PDE8B: variants seen among roughly 807,000 people sequenced by gnomAD.
PDE8B encodes high affinity cAMP-specific and IBMX-insensitive 3',5'-cyclic phosphodiesterase 8B.
PDE8B carries 26 observed loss-of-function variants against 101.3 expected under a neutral mutation model. The observed-to-expected ratio is 0.26, with a 90% CI of 0.19 to 0.36. PDE8B has a LOEUF of 0.36. PDE8B is among the 10% of genes least tolerant of loss of function. The pLI is 1.00. For synonymous variants in PDE8B, 424 were observed against 429.3 expected (o/e 0.99, Z 0.15); for missense variants, 810 against 1,163.1 (o/e 0.70, Z 4.42).
At chr5:77,133,556 G>A in the PDE8B span, among the ~76,000 whole-genome samples, 1 of 152,192 alleles carries the variant, frequency 6.6e-6, no homozygotes, top group South Asian at 2.1e-4. Flanking sequence ...TTGGTTTGGA[G>A]GCTGGATGAT....
the PDE8B span, chr5:77,180,391 C>T: frequency 4.1e-6 from 4 of 967,466 alleles, no homozygotes; most frequent in Non-Finnish European, 4.9e-6. Flanking sequence ...GCCCTCTGTG[C>T]GGGGCTAAGG....
chr5:77,222,479 G>T (rs781341543), intron 1 of PDE8B, among the ~76,000 whole-genome samples: 12 of 152,118 alleles, frequency 7.9e-5, no homozygotes, highest in Non-Finnish European at 1.6e-4. Flanking sequence ...AAAATTAGCT[G>T]GGCGTGGTGG....
In PDE8B at chr5:77,337,319, T is replaced by G; in HGVS notation, c.797+4T>G. The G allele has an allele frequency of 1.4e-6, 2 of 1,421,012 alleles. No individual in the cohort carries two copies. Among genetic ancestry groups the G allele is most frequent in the Non-Finnish European group, 2.0e-6 (2 of 1,007,022 alleles). 88.0% of individuals were successfully genotyped at this position (1,421,012 alleles called of 1,614,324 possible). On this transcript the variant is annotated splice_donor_region_variant and intron_variant, in intron 6 of 21. Coordinates refer to ENST00000264917, the MANE Select transcript of PDE8B (RefSeq NM_003719.5). ...TTCGCTCCCAGTTCAAATTACGGTA[T>G]GTAGCAAAATGATACAGTAACATGA...
chr5:77,264,958 G>A (rs1280481785), intron 1 of PDE8B, among the ~76,000 whole-genome samples: 2 of 152,136 alleles, frequency 1.3e-5, no homozygotes, highest in Non-Finnish European at 2.9e-5. Flanking sequence ...ACATTGAAGT[G>A]CATCTCTTTC....
At chr5:77,235,681 A>G (rs544252908) in intron 1 of PDE8B, among the ~76,000 whole-genome samples, 20 of 152,266 alleles carry the variant, frequency 1.3e-4, no homozygotes, top group African/African-American at 3.6e-4. Flanking sequence ...CTTTTTGTCA[A>G]TAAGGAATAT....
chr5:77,203,764 T>A, the PDE8B span, among the ~76,000 whole-genome samples: 15 of 152,180 alleles, frequency 9.9e-5, no homozygotes, highest in Non-Finnish European at 1.9e-4. Flanking sequence ...TCTCAGTGCT[T>A]AGTTAGCATG....
At position 77,412,164 on chromosome 5, in the gene PDE8B, C is replaced by T. The variant is rs1193151456; in HGVS notation, c.1641C>T (p.Ile547=). The T allele has an allele frequency of 3.1e-6, 5 of 1,613,596 alleles. No individual in the cohort carries two copies. The South Asian group carries it at 5.5e-5, about 18-fold the overall frequency. ...CCATCAATGATGTTCCCCCTTGTAT[C>T]TCTCAATTACTTGATAATGAGGAGA... ...PITINDVPPC[I]SQLLDNEESW... Residue 547 remains isoleucine (I), a synonymous_variant, in exon 16 of 22, where the codon ATC becomes ATT. Coordinates refer to ENST00000264917, the MANE Select transcript of PDE8B (RefSeq NM_003719.5).
chr5:77,378,314 C>T (rs1327795392), intron 10 of PDE8B, among the ~76,000 whole-genome samples: 96 of 152,002 alleles, frequency 6.3e-4, no homozygotes, highest in Non-Finnish European at 1.6e-4. Context: ...CAAAAATCAG[C>T]TGGGTGTGGT....
chr5:77,133,776 T>G, the PDE8B span, among the ~76,000 whole-genome samples: 1 of 152,180 alleles, frequency 6.6e-6, no homozygotes, highest in South Asian at 2.1e-4. Context: ...GTACTAGAGA[T>G]GAGTTCAGAA....
intron 1 of PDE8B, among the ~76,000 whole-genome samples, chr5:77,269,254 C>G (rs1762313599): frequency 6.6e-6 from 1 of 151,962 alleles, no homozygotes; most frequent in Non-Finnish European, 1.5e-5. Context: ...TTTTATATAC[C>G]TGTTTGCCAT....
chr5:77,195,762 G>T, the PDE8B span, among the ~76,000 whole-genome samples: 6 of 152,072 alleles, frequency 3.9e-5, no homozygotes, highest in Non-Finnish European at 8.8e-5. Flanking sequence ...ATGTTATTAA[G>T]AAAATCATAA....
At chr5:77,190,320 C>G in the PDE8B span, among the ~76,000 whole-genome samples, 1 of 152,178 alleles carries the variant, frequency 6.6e-6, no homozygotes, top group Non-Finnish European at 1.5e-5. Flanking sequence ...CCTCTGGAAG[C>G]CTTTCTTCAT....
chr5:77,309,943 CTTTTTT>C (rs955296324), intron 1 of PDE8B, among the ~76,000 whole-genome samples: 5 of 114,152 alleles, frequency 4.4e-5, no homozygotes, highest in East Asian at 2.7e-4. Context: ...AATCATTAAT[CTTTTTT>C]TTTTTTTTTT....
intron 16 of PDE8B, 44 bp downstream of exon 16, chr5:77,412,279 A>C: frequency 6.2e-7 from 1 of 1,603,354 alleles, no homozygotes. Context: ...ATTGATGGCC[A>C]TGCTCAAACT....
chr5:77,299,033 C>G (rs1769257326), intron 1 of PDE8B, among the ~76,000 whole-genome samples: 1 of 152,204 alleles, frequency 6.6e-6, no homozygotes, highest in African/African-American at 2.4e-5. Flanking sequence ...AAAATGGATG[C>G]TCCACTAGGA....
the PDE8B span, chr5:77,144,423 C>G: frequency 1.3e-5 from 2 of 152,162 alleles, no homozygotes; most frequent in South Asian, 4.1e-4. Flanking sequence ...AATTGCGTGG[C>G]TCCAAACGGT....
At position 77,423,632 on chromosome 5, in the gene PDE8B, G is replaced by GTTTTTTTTTTTT. The variant is rs71594634; in HGVS notation, c.2418+1660_2418+1671dup. ...TGATGCTGGACTTTTGTTTTGTTTA[G>GTTTTTTTTTTTT]TTTTTTTTTTTTTTTTTTTTTTTTT... is the stretch of plus-strand genomic sequence containing the variant. On this transcript the variant is annotated intron_variant, in intron 20 of 21. Transcript: ENST00000264917. 8.1e-3 allele frequency among the ~76,000 whole-genome samples: 597 copies of GTTTTTTTTTTTT among 73,966 alleles called. 88 individuals are homozygous for GTTTTTTTTTTTT. The highest frequency in any genetic ancestry group is 0.01 in the Non-Finnish European group (393 of 38,360). The allele number at this position is 73,966 out of a possible 152,430, so 48.5% of individuals were successfully genotyped here.
chr5:77,317,806 T>A (rs1339447816), intron 2 of PDE8B, among the ~76,000 whole-genome samples: 1 of 151,938 alleles, frequency 6.6e-6, no homozygotes, highest in Non-Finnish European at 1.5e-5. Context: ...TGGAAATGGA[T>A]CCCCACAGCT....
At position 77,349,554 on chromosome 5, in the gene PDE8B, G is replaced by A; in HGVS notation, c.1012G>A (p.Gly338Arg). 1 of 1,614,130 alleles carries A rather than the reference G, an allele frequency of 6.2e-7. No homozygotes were observed. Among genetic ancestry groups the A allele is most frequent in the Non-Finnish European group, 8.5e-7 (1 of 1,180,022 alleles). ...LDTINTCIKK[G>R]KEWQGVYYAR... Reference sequence around the variant, plus strand: ...CACCATCAATACATGCATCAAGAAGGGAAAGGTGGGTTACACCAGCAAAAC... The same window carrying A: ...CACCATCAATACATGCATCAAGAAGAGAAAGGTGGGTTACACCAGCAAAAC... The change falls in exon 8 of 22, where the codon GGA becomes AGA. Residue 338 changes from glycine to arginine, a missense_variant. Around this residue, in one of 4 missense-constraint regions of PDE8B, gnomAD observed 251 missense variants for 378.8 expected, o/e 0.66. Transcript: ENST00000264917.
Sources: gnomAD v4.1 joint callset for allele counts (sites outside exome capture counted in the v4.1 genomes callset) on GRCh38, gnomAD v4.1.1 for gene constraint, gnomAD v4.1.1 regional missense constraint, MANE v1.5 for transcripts, NCBI Gene and HGNC (gene_info 2026-07-23, HGNC 2026-07-21) for gene names.